NR3C1: variants seen among roughly 807,000 people sequenced by gnomAD.
NR3C1 encodes the protein glucocorticoid receptor.
A neutral mutation model predicts 74.0 loss-of-function variants in NR3C1; 14 were observed. The ratio of observed to expected loss-of-function variants is 0.19; its 90% CI spans 0.12 to 0.30. The LOEUF (loss-of-function observed/expected upper bound fraction) is 0.30. Ranked by LOEUF, NR3C1 falls within the 10% of genes least tolerant of loss-of-function variation. The pLI is 1.00. For synonymous variants in NR3C1, 308 were observed against 332.5 expected (o/e 0.93, Z 0.80); for missense variants, 695 against 909.8 (o/e 0.76, Z 3.04).
intron 1 of NR3C1, among the ~76,000 whole-genome samples, chr5:143,433,226 C>A (rs1029288123): frequency 6.6e-6 from 1 of 151,680 alleles, no homozygotes; most frequent in Non-Finnish European, 1.5e-5. Context: ...ACTAAGAAGC[C>A]CTAAGCCTGT....
At chr5:143,390,236 T>G (rs1044863436) in intron 2 of NR3C1, among the ~76,000 whole-genome samples, 3 of 152,176 alleles carry the variant, frequency 2.0e-5, no homozygotes, top group African/African-American at 2.4e-5. Context: ...CGCAGAGGTT[T>G]TTTTCAGGTT....
intron 1 of NR3C1, among the ~76,000 whole-genome samples, chr5:143,412,118 G>C (rs1600666828): frequency 6.6e-6 from 1 of 152,136 alleles, no homozygotes; most frequent in South Asian, 2.1e-4. Context: ...TGCATAGAAA[G>C]CTGTGCCAGA....
chr5:143,314,438 T>TA (rs950506389), intron 2 of NR3C1, among the ~76,000 whole-genome samples: 3 of 150,786 alleles, frequency 2.0e-5, no homozygotes, highest in African/African-American at 4.9e-5. Flanking sequence ...TTTTTTTTTT[T>TA]AGATGCTTAG....
intron 1 of NR3C1, chr5:143,402,586 A>T (rs1161251315): frequency 1.3e-5 from 13 of 985,380 alleles, no homozygotes; most frequent in Non-Finnish European, 1.6e-5. Context: ...AGGTTAAAAG[A>T]GAAGTACGTC....
intron 1 of NR3C1, among the ~76,000 whole-genome samples, chr5:143,426,496 C>T (rs1751536772): frequency 6.6e-6 from 1 of 152,152 alleles, no homozygotes; most frequent in Non-Finnish European, 1.5e-5. Flanking sequence ...CGAGTTATGC[C>T]ATTAATATTC....
intron 1 of NR3C1, among the ~76,000 whole-genome samples, chr5:143,424,001 G>A (rs1166007645): frequency 1.5e-5 from 2 of 130,052 alleles, no homozygotes; most frequent in South Asian, 2.6e-4. Context: ...TCGTAGGTGG[G>A]AATTGAACAA....
intron 7 of NR3C1, chr5:143,294,056 ATAT>A: frequency 1.0e-6 from 1 of 984,068 alleles, no homozygotes; most frequent in Non-Finnish European, 1.2e-6. Context: ...CTTGACTGAA[ATAT>A]TATTAATACT....
At chr5:143,378,309 G>T (rs1227595484) in intron 2 of NR3C1, among the ~76,000 whole-genome samples, 1 of 152,072 alleles carries the variant, frequency 6.6e-6, no homozygotes, top group Admixed American at 6.6e-5. Context: ...AGCGAAGACT[G>T]CAATCCATAA....
At chr5:143,371,422 T>G (rs1259906548) in intron 2 of NR3C1, among the ~76,000 whole-genome samples, 3 of 152,246 alleles carry the variant, frequency 2.0e-5, no homozygotes, top group Non-Finnish European at 4.4e-5. Context: ...ATCATTCTTT[T>G]CTGTTGCTCC....
In NR3C1 at chr5:143,399,726, C is replaced by G; in HGVS notation, c.1114G>C (p.Asp372His). The part of the protein sequence containing the change: ...ENWNRCQGSG[D>H]DNLTSLGTLN... Reference sequence around the variant, plus strand: ...GTCCCCAGAGAAGTCAAGTTGTCATCTCCAGATCCTTGGCACCTATTCCAA... The same window carrying G: ...GTCCCCAGAGAAGTCAAGTTGTCATGTCCAGATCCTTGGCACCTATTCCAA... The change falls in exon 2 of 9, where the codon GAT becomes CAT. Residue 372 changes from aspartate to histidine, a missense_variant. Coordinates refer to ENST00000394464, the MANE Select transcript of NR3C1 (RefSeq NM_000176.3). 1 of 1,614,170 alleles carries G rather than the reference C, an allele frequency of 6.2e-7. No individual in the cohort carries two copies. The highest frequency in any genetic ancestry group is 8.5e-7 in the Non-Finnish European group (1 of 1,180,020).
At chr5:143,375,189 G>C (rs1834960660) in intron 2 of NR3C1, among the ~76,000 whole-genome samples, 1 of 152,138 alleles carries the variant, frequency 6.6e-6, no homozygotes, top group Non-Finnish European at 1.5e-5. Context: ...ATTACTGAAA[G>C]CTACTCATAG....
At chr5:143,402,877 A>T in intron 1 of NR3C1, 1 of 966,532 alleles carries the variant, frequency 1.0e-6, no homozygotes, top group Non-Finnish European at 1.2e-6. Context: ...GGGAAAGGGG[A>T]CACTAGGGGG....
intron 2 of NR3C1, among the ~76,000 whole-genome samples, chr5:143,349,817 A>C (rs950160418): frequency 5.3e-5 from 8 of 152,192 alleles, no homozygotes; most frequent in Non-Finnish European, 1.0e-4. Flanking sequence ...AGAGACGAGT[A>C]CACAGTAGTT....
intron 2 of NR3C1, among the ~76,000 whole-genome samples, chr5:143,396,772 G>A (rs917780056): frequency 1.3e-5 from 2 of 151,550 alleles, no homozygotes; most frequent in African/African-American, 4.8e-5. Context: ...CTCCCTTCAG[G>A]ATACGAACAA....
chr5:143,340,359 G>A (rs1238609542), intron 2 of NR3C1, among the ~76,000 whole-genome samples: 1 of 151,618 alleles, frequency 6.6e-6, no homozygotes, highest in Non-Finnish European at 1.5e-5. Flanking sequence ...CTTTTTTTGT[G>A]TGTGTATAGA....
chr5:143,399,862 G>A lies in NR3C1; in HGVS notation c.978C>T (p.Thr326=). 1 of 1,614,112 alleles carries A rather than the reference G, an allele frequency of 6.2e-7. No homozygotes were observed. Among genetic ancestry groups the A allele is most frequent in the Non-Finnish European group, 8.5e-7 (1 of 1,180,002 alleles). Residue 326 remains threonine (T), a synonymous_variant, in exon 2 of 9, where the codon ACC becomes ACT. Transcript: ENST00000394464. ...CATAGTGGTACATCTGTCCTCCAGA[G>A]GTACTCACACCATGAACAGAAATGG... ...MSAISVHGVS[T]SGGQMYHYDM... is the part of the protein sequence containing the mutation.
At chr5:143,341,133 G>A (rs956914353) in intron 2 of NR3C1, among the ~76,000 whole-genome samples, 6 of 152,158 alleles carry the variant, frequency 3.9e-5, no homozygotes, top group South Asian at 2.1e-4. Flanking sequence ...TAACTTACAT[G>A]ACTTGATTTA....
At chr5:143,287,534 A>G (rs1429733834) in intron 7 of NR3C1, among the ~76,000 whole-genome samples, 1 of 152,202 alleles carries the variant, frequency 6.6e-6, no homozygotes, top group Non-Finnish European at 1.5e-5. Context: ...CTTCCCTGAA[A>G]GAAAACACAG....
intron 1 of NR3C1, among the ~76,000 whole-genome samples, chr5:143,411,605 A>G (rs993911316): frequency 1.3e-5 from 2 of 152,214 alleles, no homozygotes; most frequent in Non-Finnish European, 2.9e-5. Flanking sequence ...TATGGACACA[A>G]ATATTCTGCA....
Sources: allele counts gnomAD v4.1 joint callset (sites outside exome capture counted in the v4.1 genomes callset), GRCh38; gene constraint gnomAD v4.1.1; transcripts MANE v1.5; gene names NCBI Gene and HGNC (gene_info 2026-07-23, HGNC 2026-07-21).